Variants in COL24A1 observed in about 807,000 individuals in gnomAD.
The protein encoded by COL24A1 is collagen alpha-1(XXIV) chain.
In COL24A1, 224 loss-of-function variants were observed where a neutral mutation model predicts 253.9. The ratio of observed to expected loss-of-function variants is 0.88; its 90% CI spans 0.79 to 0.99. The LOEUF (loss-of-function observed/expected upper bound fraction) is 0.99, where lower values mean the gene tolerates loss of function less well. Among genes scored for constraint, COL24A1 ranks in the 50% least tolerant of loss-of-function variants. The probability of loss-of-function intolerance (pLI) is 0.00; values close to 1 mark genes in which losing one functional copy is unlikely to be tolerated. For missense variants in COL24A1, 2,131 were observed against 2,068.5 expected (o/e 1.03, Z -0.59); for synonymous variants, 685 against 673.7 (o/e 1.02, Z -0.26).
chr1:85,904,014 C>T (rs565008726), intron 28 of COL24A1, among the ~76,000 whole-genome samples: 9 of 152,174 alleles, frequency 5.9e-5, no homozygotes, highest in East Asian at 1.9e-4. Context: ...AATCTAAATG[C>T]GAAAATTGAG....
At chr1:86,151,109 A>G (rs1557837926) in intron 1 of COL24A1, among the ~76,000 whole-genome samples, 5 of 152,016 alleles carry the variant, frequency 3.3e-5, no homozygotes, top group Admixed American at 6.5e-5. Context: ...GTGTGTGTGT[A>G]TACACATACA....
intron 11 of COL24A1, among the ~76,000 whole-genome samples, chr1:86,048,917 A>T (rs562921185): frequency 6.6e-6 from 1 of 152,326 alleles, no homozygotes; most frequent in Admixed American, 6.5e-5. Flanking sequence ...TTTTACAAGG[A>T]CATATAATTT....
At chr1:85,860,687 G>A (rs556880276) in intron 37 of COL24A1, among the ~76,000 whole-genome samples, 1 of 152,352 alleles carries the variant, frequency 6.6e-6, no homozygotes, top group East Asian at 1.9e-4. Flanking sequence ...CTTGCAGTGA[G>A]CCAAGATCGT....
intron 7 of COL24A1, among the ~76,000 whole-genome samples, chr1:86,085,178 T>C (rs1702972071): frequency 6.6e-6 from 1 of 152,196 alleles, no homozygotes; most frequent in Non-Finnish European, 1.5e-5. Context: ...CTGCATACTT[T>C]TGGGGTGACT....
At chr1:86,018,372 T>A (rs1012938393) in intron 18 of COL24A1, among the ~76,000 whole-genome samples, 1 of 152,170 alleles carries the variant, frequency 6.6e-6, no homozygotes, top group Non-Finnish European at 1.5e-5. Flanking sequence ...TAAGTTTCCC[T>A]TTCCAAATAA....
At chr1:86,068,452 A>G (rs1701646495) in intron 7 of COL24A1, among the ~76,000 whole-genome samples, 1 of 152,206 alleles carries the variant, frequency 6.6e-6, no homozygotes, top group Non-Finnish European at 1.5e-5. Flanking sequence ...AGGGAATCGC[A>G]CATCCTCAAG....
chr1:86,033,582 T>G (rs1365858565), intron 13 of COL24A1, among the ~76,000 whole-genome samples: 1 of 152,134 alleles, frequency 6.6e-6, no homozygotes, highest in Admixed American at 6.6e-5. Flanking sequence ...AGTACTTTCA[T>G]GTATAAGAGA....
chr1:85,974,209 A>G lies in COL24A1; in HGVS notation c.2365-2816T>C, dbSNP rs192593924. ...CCACAAGAACAGAGAAAACTTAAACACTAATATTAACAAACTTGATCTAGT... is the reference window on the plus strand; with the variant it reads ...CCACAAGAACAGAGAAAACTTAAACGCTAATATTAACAAACTTGATCTAGT... On this transcript the variant is annotated intron_variant, in intron 20 of 59. Coordinates refer to ENST00000370571, the MANE Select transcript of COL24A1 (RefSeq NM_152890.7). Among the ~76,000 whole-genome samples, 383 of 152,278 alleles carry G rather than the reference A, an allele frequency of 2.5e-3. 1 individual carries two copies. Among genetic ancestry groups the G allele is most frequent in the African/African-American group, 7.9e-3 (328 of 41,568 alleles).
At chr1:85,786,506 A>T (rs1379013063) in intron 47 of COL24A1, 45 bp from the exon 48 acceptor site, 1 of 1,574,202 alleles carries the variant, frequency 6.4e-7, no homozygotes, top group East Asian at 2.2e-5. Flanking sequence ...AGTTTCTAAA[A>T]AGTCAGTTTA....
chr1:86,138,775 G>C (rs977746511), intron 2 of COL24A1, among the ~76,000 whole-genome samples: 6 of 151,950 alleles, frequency 3.9e-5, no homozygotes, highest in Admixed American at 3.9e-4. Context: ...TGATATATCT[G>C]CTCACTTCAC....
intron 5 of COL24A1, among the ~76,000 whole-genome samples, chr1:86,109,864 T>G (rs1705365510): frequency 1.3e-5 from 2 of 152,222 alleles, no homozygotes; most frequent in Non-Finnish European, 2.9e-5. Context: ...GGGGCTCGTA[T>G]AAATGGGATT....
chr1:85,950,208 T>A (rs1414437271), intron 24 of COL24A1, among the ~76,000 whole-genome samples: 1 of 152,218 alleles, frequency 6.6e-6, no homozygotes, highest in East Asian at 1.9e-4. Flanking sequence ...GAATTTTTTT[T>A]AACTATTTAT....
intron 24 of COL24A1, among the ~76,000 whole-genome samples, chr1:85,918,168 T>G (rs1686087462): frequency 6.6e-6 from 1 of 151,826 alleles, no homozygotes; most frequent in African/African-American, 2.4e-5. Context: ...TTTCTGGATC[T>G]TGTTTAAGAA....
At chr1:86,094,967 C>T (rs2101996043) in intron 5 of COL24A1, among the ~76,000 whole-genome samples, 1 of 151,848 alleles carries the variant, frequency 6.6e-6, no homozygotes, top group East Asian at 1.9e-4. Context: ...TATCACAATG[C>T]CTATTACAAA....
rs531112958 is a variant in COL24A1, at chr1:85,855,498, T to C, written c.3301-6092A>G. Among the ~76,000 whole-genome samples, 4 of 152,356 alleles carry C rather than the reference T, an allele frequency of 2.6e-5. No homozygotes were observed. In the East Asian group the frequency reaches 7.7e-4, roughly 29 times the overall value. On this transcript the variant is annotated intron_variant, in intron 37 of 59. Transcript: ENST00000370571. ...TGTTTTTTGTTTTTAGTTATATTTA[T>C]GTGATGGATCACATTTATTGATTTA...
chr1:85,978,356 G>A (rs777135435), intron 20 of COL24A1, among the ~76,000 whole-genome samples: 78 of 151,772 alleles, frequency 5.1e-4, no homozygotes, highest in Admixed American at 1.2e-3. Context: ...CAACTAACAC[G>A]ATGAATAAAA....
intron 3 of COL24A1, among the ~76,000 whole-genome samples, chr1:86,120,120 A>G (rs1254608846): frequency 6.6e-6 from 1 of 152,240 alleles, no homozygotes; most frequent in Non-Finnish European, 1.5e-5. Context: ...TCCCTGCCTT[A>G]CACCTTATAC....
chr1:85,907,787 T>C (rs962719846), intron 27 of COL24A1, among the ~76,000 whole-genome samples: 2 of 152,000 alleles, frequency 1.3e-5, no homozygotes, highest in Non-Finnish European at 1.5e-5. Flanking sequence ...GAATTATTTT[T>C]ATAGCTATAG....
Position 85,987,715 on chromosome 1 carries a change from T to C in COL24A1, c.2311-61A>G, listed in dbSNP as rs1369639827. On this transcript the variant is annotated intron_variant, in intron 19 of 59. Transcript: ENST00000370571. Reference sequence around the variant, plus strand: ...AAAATTACTTTAAATCCATTTAGCATATAAAATTCCCTTTGCTATTCCTCC... The same window carrying C: ...AAAATTACTTTAAATCCATTTAGCACATAAAATTCCCTTTGCTATTCCTCC... 6.2e-6 allele frequency: 9 copies of C among 1,444,108 alleles called. No individual in the cohort carries two copies. In the East Asian group the frequency reaches 1.8e-4, roughly 30 times the overall value. The allele number at this position is 1,444,108 out of a possible 1,614,324, so 89.5% of individuals were successfully genotyped here. A position where few individuals can be genotyped will look rare whatever the true frequency, so the allele number is the denominator to read the frequency against.
Sources: gnomAD v4.1 joint callset for allele counts (sites outside exome capture counted in the v4.1 genomes callset) on GRCh38, gnomAD v4.1.1 for gene constraint, MANE v1.5 for transcripts, NCBI Gene and HGNC (gene_info 2026-07-23, HGNC 2026-07-21) for gene names.